SLC25A12: variants seen among roughly 807,000 people sequenced by gnomAD.
The protein encoded by SLC25A12 is solute carrier family 25 member 12.
In SLC25A12, 32 loss-of-function variants were observed where a neutral mutation model predicts 83.3. The ratio of observed to expected loss-of-function variants is 0.38; its 90% CI spans 0.29 to 0.52. SLC25A12 has a LOEUF of 0.52. Among genes scored for constraint, SLC25A12 ranks in the 20% least tolerant of loss-of-function variants. SLC25A12 has a pLI of 0.84. For missense variants in SLC25A12, 611 were observed against 835.6 expected (o/e 0.73, Z 3.31); for synonymous variants, 267 against 291.1 (o/e 0.92, Z 0.84).
intron 2 of SLC25A12, among the ~76,000 whole-genome samples, chr2:171,884,481 C>G (rs1363633965): frequency 6.7e-6 from 1 of 148,624 alleles, no homozygotes; most frequent in Non-Finnish European, 1.5e-5. Flanking sequence ...ATGTTAGGTT[C>G]TAGGCTGGGC....
intron 13 of SLC25A12, among the ~76,000 whole-genome samples, chr2:171,802,700 C>T (rs1010994602): frequency 1.3e-5 from 2 of 152,132 alleles, no homozygotes; most frequent in Non-Finnish European, 2.9e-5. Context: ...GGCGTGAACC[C>T]GGGAAGCGGA....
At chr2:171,811,702 T>C (rs1383873404) in intron 11 of SLC25A12, among the ~76,000 whole-genome samples, 1 of 152,186 alleles carries the variant, frequency 6.6e-6, no homozygotes, top group African/African-American at 2.4e-5. Flanking sequence ...GCTTACATCC[T>C]GAATAAAACC....
intron 2 of SLC25A12, among the ~76,000 whole-genome samples, chr2:171,869,610 AT>A (rs966782171): frequency 1.4e-4 from 22 of 152,130 alleles, no homozygotes; most frequent in African/African-American, 4.3e-4. Flanking sequence ...TACATCAATA[AT>A]TTTTTTAAAT....
At chr2:171,865,537 T>C (rs1212668634) in intron 3 of SLC25A12, among the ~76,000 whole-genome samples, 2 of 152,032 alleles carry the variant, frequency 1.3e-5, no homozygotes, top group Non-Finnish European at 2.9e-5. Context: ...GGCACATATC[T>C]GTAATCCCAG....
At chr2:171,832,088 C>T (rs2105884020) in intron 8 of SLC25A12, among the ~76,000 whole-genome samples, 1 of 152,238 alleles carries the variant, frequency 6.6e-6, no homozygotes, top group Middle Eastern at 3.4e-3. Flanking sequence ...TTTGGTAAAC[C>T]TGTATGGTTT....
chr2:171,793,515 G>C (rs1683532343), intron 14 of SLC25A12, 112 bp downstream of exon 14: 1 of 1,089,838 alleles, frequency 9.2e-7, no homozygotes, highest in African/African-American at 1.5e-5. Context: ...TTGATTTTCT[G>C]CTCCACAGAC....
At chr2:171,795,981 C>CT (rs1206993022) in intron 13 of SLC25A12, among the ~76,000 whole-genome samples, 1 of 152,222 alleles carries the variant, frequency 6.6e-6, no homozygotes, top group Non-Finnish European at 1.5e-5. Context: ...GGGCCTCACT[C>CT]TGTCACCCAG....
At chr2:171,814,959 G>C (rs937723342) in intron 10 of SLC25A12, 162 bp downstream of exon 10, 2 of 658,534 alleles carry the variant, frequency 3.0e-6, no homozygotes, top group Non-Finnish European at 5.7e-6. Context: ...CCATTGCTAC[G>C]ACAAGTCTCC....
intron 8 of SLC25A12, among the ~76,000 whole-genome samples, chr2:171,827,716 G>T (rs1684335919): frequency 6.6e-6 from 1 of 152,136 alleles, no homozygotes; most frequent in African/African-American, 2.4e-5. Context: ...CTTTGTTTGT[G>T]CGTTTTGTCC....
intron 9 of SLC25A12, among the ~76,000 whole-genome samples, chr2:171,819,247 A>T (rs1380512707): frequency 7.9e-6 from 1 of 126,126 alleles, no homozygotes; most frequent in African/African-American, 3.1e-5. Flanking sequence ...AATATATACT[A>T]ATATATATAA....
chr2:171,875,465 G>A (rs554988651), intron 2 of SLC25A12, among the ~76,000 whole-genome samples: 1 of 152,050 alleles, frequency 6.6e-6, no homozygotes, highest in Non-Finnish European at 1.5e-5. Context: ...TGGACATAAA[G>A]ACAGGAACAA....
intron 12 of SLC25A12, among the ~76,000 whole-genome samples, 197 bp downstream of exon 12, chr2:171,810,024 TTTG>T (rs773888993): frequency 2.6e-5 from 4 of 152,130 alleles, no homozygotes; most frequent in South Asian, 2.1e-4. Flanking sequence ...AATTTTTAAT[TTTG>T]TTGTTGTTGT....
chr2:171,786,449 A>C (rs1033647350), intron 17 of SLC25A12, among the ~76,000 whole-genome samples: 1 of 152,064 alleles, frequency 6.6e-6, no homozygotes, highest in African/African-American at 2.4e-5. Context: ...AAGATGAAAG[A>C]AGCATGGAAA....
intron 2 of SLC25A12, among the ~76,000 whole-genome samples, chr2:171,873,028 T>C (rs1369511530): frequency 6.6e-6 from 1 of 152,186 alleles, no homozygotes; most frequent in African/African-American, 2.4e-5. Context: ...TGTGGGATAC[T>C]ACTAAAAGTT....
chr2:171,793,482 T>C lies in SLC25A12; in HGVS notation c.1446+145A>G, dbSNP rs895850568. 5.0e-6 allele frequency: 4 copies of C among 804,810 alleles called. No homozygotes were observed. In the African/African-American group the frequency reaches 5.1e-5, roughly 10 times the overall value. 49.9% of individuals were successfully genotyped at this position (804,810 alleles called of 1,614,324 possible). On this transcript the variant is annotated intron_variant, in intron 14 of 17. Coordinates refer to ENST00000422440, the MANE Select transcript of SLC25A12 (RefSeq NM_003705.5). ...TGTATCCCACTGCCTCTCATACAAG[T>C]GTCCTGATTCTTTTCTTTTTGTTTG...
chr2:171,891,650 G>A (rs1270401317), intron 2 of SLC25A12, among the ~76,000 whole-genome samples: 1 of 152,104 alleles, frequency 6.6e-6, no homozygotes, highest in Admixed American at 6.5e-5. Context: ...CATTTCTTCC[G>A]CATCTACTTA....
At chr2:171,893,138 A>T (rs1392883260) in intron 2 of SLC25A12, 67 bp downstream of exon 2, 2 of 1,261,540 alleles carry the variant, frequency 1.6e-6, no homozygotes, top group African/African-American at 2.9e-5. Flanking sequence ...TTAAGGCATG[A>T]ATAGGACTAA....
chr2:171,828,210 A>C (rs1684352486), intron 8 of SLC25A12, among the ~76,000 whole-genome samples: 1 of 152,234 alleles, frequency 6.6e-6, no homozygotes, highest in Non-Finnish European at 1.5e-5. Context: ...TGTTACCTGA[A>C]GGCCAAGAAG....
intron 9 of SLC25A12, 100 bp downstream of exon 9, chr2:171,826,698 T>G (rs146555212): frequency 4.0e-6 from 3 of 758,524 alleles, no homozygotes; most frequent in African/African-American, 3.4e-5. Flanking sequence ...CTCTGGAAAG[T>G]AATTTTTAAT....
Sources: allele counts gnomAD v4.1 joint callset (sites outside exome capture counted in the v4.1 genomes callset), GRCh38; gene constraint gnomAD v4.1.1; transcripts MANE v1.5; gene names NCBI Gene and HGNC (gene_info 2026-07-23, HGNC 2026-07-21).